Variants in DNAJC1 observed in about 807,000 individuals in gnomAD.
DNAJC1 encodes the protein dnaJ homolog subfamily C member 1.
A neutral mutation model predicts 76.6 loss-of-function variants in DNAJC1; 58 were observed. That is an observed-to-expected ratio of 0.76 (90% CI 0.61 to 0.94). The LOEUF is 0.94. Ranked by LOEUF, DNAJC1 falls within the 40% of genes least tolerant of loss-of-function variation. The pLI is 0.00. For synonymous variants in DNAJC1, 258 were observed against 267.9 expected (o/e 0.96, Z 0.36); for missense variants, 689 against 677.3 (o/e 1.02, Z -0.19).
chr10:21,806,096 G>C lies in DNAJC1; in HGVS notation c.982C>G (p.Pro328Ala). The part of the protein sequence containing the change: ...NRNRTQKKQA[P>A]EWTEEDLSQL... ...CTGAGGTCCTCTTCTGTCCATTCAG[G>C]TGCCTGCAAAACATTAAAGAAAATA... The change falls in exon 9 of 12, where the codon CCT (proline) becomes GCT (alanine). Residue 328 changes from proline (P) to alanine (A), a missense_variant. Pro to Ala is a conservative substitution (Grantham distance 27). Transcript: ENST00000376980. 6.2e-7 allele frequency: 1 copy of C among 1,609,360 alleles called. No individual in the cohort carries two copies. The highest frequency in any genetic ancestry group is 8.5e-7 in the Non-Finnish European group (1 of 1,177,872).
rs141321728 is a variant in DNAJC1, at chr10:21,758,680, C to G, written c.1596+490G>C. 2.8e-3 allele frequency among the ~76,000 whole-genome samples: 429 copies of G among 152,342 alleles called. 1 individual carries two copies. The highest frequency in any genetic ancestry group is 4.9e-3 in the Non-Finnish European group (335 of 68,030). On this transcript the variant is annotated intron_variant, in intron 11 of 11. Coordinates refer to ENST00000376980, the MANE Select transcript of DNAJC1 (RefSeq NM_022365.4). Reference sequence around the variant, plus strand: ...TCCAAAGTTATTCACATGGCAGAATCGAAGATGATCACGGTAATACCATCT... The same window carrying G: ...TCCAAAGTTATTCACATGGCAGAATGGAAGATGATCACGGTAATACCATCT...
chr10:21,931,399 G>C (rs1837220846), intron 1 of DNAJC1, among the ~76,000 whole-genome samples: 1 of 152,194 alleles, frequency 6.6e-6, no homozygotes, highest in Non-Finnish European at 1.5e-5. Context: ...ACCTCAAGTA[G>C]ATACGGTGAA....
intron 1 of DNAJC1, among the ~76,000 whole-genome samples, chr10:21,944,869 C>G (rs749837138): frequency 6.6e-6 from 1 of 152,154 alleles, no homozygotes; most frequent in South Asian, 2.1e-4. Context: ...GAGTAACAGA[C>G]TTGCATAAGC....
intron 1 of DNAJC1, among the ~76,000 whole-genome samples, chr10:21,965,792 C>T (rs771733455): frequency 6.6e-6 from 1 of 152,216 alleles, no homozygotes; most frequent in Non-Finnish European, 1.5e-5. Flanking sequence ...ATGTCCTACT[C>T]TGTTTATGTA....
chr10:21,821,650 T>C (rs1228646263), intron 8 of DNAJC1, among the ~76,000 whole-genome samples: 1 of 152,198 alleles, frequency 6.6e-6, no homozygotes, highest in Non-Finnish European at 1.5e-5. Flanking sequence ...AATAATTATA[T>C]ATTTCTCCTA....
chr10:21,827,088 CGGTTTTCCATTTATTTA>C (rs1564799455), intron 8 of DNAJC1, among the ~76,000 whole-genome samples: 1 of 151,842 alleles, frequency 6.6e-6, no homozygotes, highest in East Asian at 1.9e-4. Flanking sequence ...GAACATAAGA[CGGTTTTCCATTTATTTA>C]AGTTTTCTTT....
intron 1 of DNAJC1, among the ~76,000 whole-genome samples, chr10:21,999,006 T>C (rs918774376): frequency 2.0e-5 from 3 of 152,250 alleles, no homozygotes; most frequent in African/African-American, 7.2e-5. Context: ...AAGTCATCTG[T>C]TATTCAGATT....
At chr10:21,982,234 TCA>T (rs1838170075) in intron 1 of DNAJC1, among the ~76,000 whole-genome samples, 1 of 152,200 alleles carries the variant, frequency 6.6e-6, no homozygotes, top group African/African-American at 2.4e-5. Flanking sequence ...ACGCCTCACA[TCA>T]TATATATAAA....
intron 9 of DNAJC1, among the ~76,000 whole-genome samples, chr10:21,784,825 TCA>T: frequency 1.3e-5 from 2 of 151,184 alleles, no homozygotes; most frequent in Middle Eastern, 6.8e-3. Context: ...CTGCATGTTC[TCA>T]CACATAGGTG....
intron 1 of DNAJC1, among the ~76,000 whole-genome samples, chr10:21,984,374 T>C (rs1838206025): frequency 6.6e-6 from 1 of 152,202 alleles, no homozygotes; most frequent in Admixed American, 6.5e-5. Context: ...ACTATGTCTC[T>C]CCTCTTAGCT....
chr10:21,843,651 C>A (rs969611999), intron 8 of DNAJC1, among the ~76,000 whole-genome samples: 1 of 152,076 alleles, frequency 6.6e-6, no homozygotes, highest in Admixed American at 6.6e-5. Context: ...CTCAGCCTCC[C>A]AAAGTGCTGG....
chr10:21,868,979 A>G, intron 8 of DNAJC1, among the ~76,000 whole-genome samples: 1 of 152,108 alleles, frequency 6.6e-6, no homozygotes. Context: ...AGAAAGGAAC[A>G]GGGCTTAAAG....
At chr10:21,836,993 C>T (rs1835471535) in intron 8 of DNAJC1, among the ~76,000 whole-genome samples, 1 of 152,246 alleles carries the variant, frequency 6.6e-6, no homozygotes, top group Admixed American at 6.5e-5. Flanking sequence ...GCCATCTCGG[C>T]TCACTGCAAC....
intron 8 of DNAJC1, among the ~76,000 whole-genome samples, chr10:21,818,061 T>G (rs180703502): frequency 7.9e-4 from 121 of 152,314 alleles, no homozygotes; most frequent in Admixed American, 2.0e-3. Context: ...ACAAGAGAGA[T>G]AACCTTAAAC....
At chr10:22,000,342 T>C (rs898379674) in intron 1 of DNAJC1, among the ~76,000 whole-genome samples, 2 of 152,190 alleles carry the variant, frequency 1.3e-5, no homozygotes, top group East Asian at 3.8e-4. Context: ...TCATGTATCT[T>C]TTCTGTTCAA....
At chr10:21,772,589 T>G (rs866927834) in intron 9 of DNAJC1, among the ~76,000 whole-genome samples, 1 of 152,158 alleles carries the variant, frequency 6.6e-6, no homozygotes, top group South Asian at 2.1e-4. Context: ...TAATGTCCTT[T>G]TTTTTGACCC....
chr10:21,947,025 C>T (rs1257259187), intron 1 of DNAJC1, among the ~76,000 whole-genome samples: 1 of 152,092 alleles, frequency 6.6e-6, no homozygotes, highest in Non-Finnish European at 1.5e-5. Flanking sequence ...CCAGATGCTC[C>T]CACCTTGATA....
intron 9 of DNAJC1, among the ~76,000 whole-genome samples, chr10:21,767,939 G>A (rs144067097): frequency 3.4e-4 from 51 of 152,098 alleles, no homozygotes; most frequent in African/African-American, 1.0e-3. Flanking sequence ...AGGTTGCAGT[G>A]AGCTGAGATT....
intron 10 of DNAJC1, among the ~76,000 whole-genome samples, chr10:21,764,327 A>C (rs758281947): frequency 1.6e-4 from 24 of 152,212 alleles, no homozygotes; most frequent in Non-Finnish European, 2.8e-4. Flanking sequence ...CTGAAGAAAT[A>C]TCTCTCTCAA....
Sources: gnomAD v4.1 joint callset for allele counts (sites outside exome capture counted in the v4.1 genomes callset) on GRCh38, gnomAD v4.1.1 for gene constraint, MANE v1.5 for transcripts, NCBI Gene and HGNC (gene_info 2026-07-23, HGNC 2026-07-21) for gene names.